Variants in SNCAIP observed in about 807,000 individuals in gnomAD.
SNCAIP encodes the protein synuclein alpha interacting protein.
SNCAIP carries 43 observed loss-of-function variants against 86.7 expected under a neutral mutation model. That is an observed-to-expected ratio of 0.50 (90% CI 0.39 to 0.64). The LOEUF is 0.64. Ranked by LOEUF, SNCAIP falls within the 30% of genes least tolerant of loss-of-function variation. The pLI, the probability that SNCAIP is intolerant of heterozygous loss-of-function variation, is 0.00. For synonymous variants in SNCAIP, 417 were observed against 427.2 expected (o/e 0.98, Z 0.29); for missense variants, 981 against 1,103.1 (o/e 0.89, Z 1.57).
intron 1 of SNCAIP, chr5:122,369,689 C>A (rs1276269042): frequency 6.6e-6 from 1 of 151,762 alleles, no homozygotes; most frequent in Non-Finnish European, 1.5e-5. Context: ...TTTTTGTTCC[C>A]CCTTGAAGTG....
chr5:122,320,639 T>C (rs2152667351), intron 1 of SNCAIP, among the ~76,000 whole-genome samples: 1 of 152,308 alleles, frequency 6.6e-6, no homozygotes, highest in East Asian at 1.9e-4. Flanking sequence ...ATGTTTAGAG[T>C]GCTTCAGGTT....
Position 122,450,838 on chromosome 5 carries a change from T to C in SNCAIP, c.1991T>C (p.Leu664Ser), listed in dbSNP as rs769575849. ...CCACTGGAGAAGAGGGAACTGAAGT[T>C]AGCCAGGCTGAGACAGCTGATGCAG... ...KIPLEKRELK[L>S]ARLRQLMQRS... is the part of the protein sequence containing the mutation. Residue 664 changes from leucine to serine, a missense_variant, in exon 10 of 11, where the codon TTA becomes TCA. Coordinates refer to ENST00000261368, the MANE Select transcript of SNCAIP (RefSeq NM_005460.4). The C allele has an allele frequency of 1.2e-6, 2 of 1,614,098 alleles. No homozygotes were observed. The highest frequency in any genetic ancestry group is 4.5e-5 in the East Asian group (2 of 44,880).
chr5:122,448,965 G>A (rs907115710), intron 8 of SNCAIP, among the ~76,000 whole-genome samples: 2 of 150,674 alleles, frequency 1.3e-5, no homozygotes, highest in African/African-American at 4.9e-5. Context: ...CCAGTGAGCC[G>A]AGATAGCACC....
At position 122,423,666 on chromosome 5, in the gene SNCAIP, A is replaced by G. The variant is rs1284864867; in HGVS notation, c.929A>G (p.Glu310Gly). 1 of 1,611,118 alleles carries G rather than the reference A, an allele frequency of 6.2e-7. No homozygotes were observed. Among genetic ancestry groups the G allele is most frequent in the East Asian group, 2.2e-5 (1 of 44,882 alleles). The change falls in exon 4 of 11, where the codon GAA becomes GGA. Residue 310 changes from glutamate to glycine, a missense_variant. Glu to Gly is a moderately conservative substitution (Grantham distance 98, BLOSUM62 -2). Transcript: ENST00000261368. ...GLNRTSSQGP[E>G]ERSEYLKKVK... The stretch of plus-strand genomic sequence containing the variant: ...AACCGGACCAGCTCCCAAGGCCCAG[A>G]AGAAAGGAGTGAGTATCTGAAAAAA...
At chr5:122,445,888 G>T (rs1453155191) in intron 8 of SNCAIP, among the ~76,000 whole-genome samples, 1 of 151,422 alleles carries the variant, frequency 6.6e-6, no homozygotes, top group Non-Finnish European at 1.5e-5. Context: ...CCACTCTTTT[G>T]CCTTCAAGCT....
At chr5:122,401,236 C>A in intron 2 of SNCAIP, 1 of 1,040,566 alleles carries the variant, frequency 9.6e-7, no homozygotes, top group South Asian at 1.9e-5. Flanking sequence ...ACAATGCATA[C>A]TTGTAAGGGA....
intron 1 of SNCAIP, among the ~76,000 whole-genome samples, chr5:122,342,584 A>C (rs1008873584): frequency 6.6e-6 from 1 of 152,214 alleles, no homozygotes; most frequent in Non-Finnish European, 1.5e-5. Flanking sequence ...AGTTCTAGGC[A>C]ACTTTTAATG....
At chr5:122,356,101 T>C (rs1040914503) in intron 1 of SNCAIP, among the ~76,000 whole-genome samples, 3 of 147,568 alleles carry the variant, frequency 2.0e-5, no homozygotes, top group African/African-American at 7.5e-5. Flanking sequence ...CTTTCTTTTT[T>C]TTTTTTTTTT....
intron 1 of SNCAIP, among the ~76,000 whole-genome samples, chr5:122,362,794 G>T (rs956601855): frequency 1.3e-5 from 2 of 152,088 alleles, no homozygotes; most frequent in African/African-American, 4.8e-5. Flanking sequence ...TGCCCTCCTT[G>T]ATAAGATAAT....
rs1776723524 is a variant in SNCAIP at position 122,423,116 on chromosome 5, G to T, written c.379G>T (p.Gly127Cys). The T allele has an allele frequency of 5.6e-6, 9 of 1,614,144 alleles. No homozygotes were observed. The highest frequency in any genetic ancestry group is 5.9e-6 in the Non-Finnish European group (7 of 1,180,030). The change falls in exon 4 of 11, where the codon GGC (glycine) becomes TGC (cysteine). Residue 127 changes from glycine to cysteine, a missense_variant. Gly to Cys is a radical substitution (Grantham distance 159, BLOSUM62 -3). Transcript: ENST00000261368. ...GGAGCTTGGCCCTGGAGATGGAGTG[G>T]GCGGCCCACCAGGTAAGAGCTCTGA... ...PQELGPGDGV[G>C]GPPGKSSEPS... is the part of the protein sequence containing the mutation.
chr5:122,445,050 A>G, intron 8 of SNCAIP: 1 of 392,414 alleles, frequency 2.5e-6, no homozygotes, highest in Non-Finnish European at 4.8e-6. Context: ...CGCTGGAAGC[A>G]CTCATAGGCA....
chr5:122,398,331 A>C (rs1156498440), intron 2 of SNCAIP, among the ~76,000 whole-genome samples: 4 of 152,300 alleles, frequency 2.6e-5, no homozygotes, highest in South Asian at 2.1e-4. Context: ...AAGGGTTAGC[A>C]GTGGAGGAGC....
At chr5:122,424,680 G>A (rs1217645677) in intron 4 of SNCAIP, among the ~76,000 whole-genome samples, 1 of 151,882 alleles carries the variant, frequency 6.6e-6, no homozygotes, top group African/African-American at 2.4e-5. Context: ...ATTCTCTTTG[G>A]TTCATTCCTT....
intron 1 of SNCAIP, among the ~76,000 whole-genome samples, chr5:122,359,555 G>T (rs150114437): frequency 6.6e-6 from 1 of 151,848 alleles, no homozygotes; most frequent in African/African-American, 2.4e-5. Flanking sequence ...AGTAGAGACA[G>T]CATTTCACCA....
At chr5:122,462,269 C>G (rs946823004) in intron 10 of SNCAIP, among the ~76,000 whole-genome samples, 2 of 152,174 alleles carry the variant, frequency 1.3e-5, no homozygotes, top group Non-Finnish European at 2.9e-5. Context: ...TTCTCCTCTG[C>G]TAAATCAACT....
At chr5:122,356,559 T>A (rs1467570450) in intron 1 of SNCAIP, among the ~76,000 whole-genome samples, 1 of 152,236 alleles carries the variant, frequency 6.6e-6, no homozygotes, top group African/African-American at 2.4e-5. Flanking sequence ...CCATGCTTCC[T>A]AACATATTTA....
In SNCAIP at chr5:122,444,729, A is replaced by T; in HGVS notation, c.1589A>T (p.Lys530Met). ...GTGGTGAAGTTAACCAAGCAGCTAA[A>T]GGAGTAAGTGGCCTGTTGGTTCCAT... ...SQVVKLTKQL[K>M]EQTVERVTLQ... is the part of the protein sequence containing the mutation. The change falls in exon 8 of 11, where the codon AAG becomes ATG. Residue 530 changes from lysine (K) to methionine (M), a missense_variant. Physicochemically the swap from Lys to Met is moderately conservative, Grantham distance 95. Coordinates refer to ENST00000261368, the MANE Select transcript of SNCAIP (RefSeq NM_005460.4). 1 of 1,613,566 alleles carries T rather than the reference A, an allele frequency of 6.2e-7. No individual in the cohort carries two copies. The highest frequency in any genetic ancestry group is 8.5e-7 in the Non-Finnish European group (1 of 1,179,510).
chr5:122,335,425 G>A (rs549432085), intron 1 of SNCAIP, among the ~76,000 whole-genome samples: 2 of 152,260 alleles, frequency 1.3e-5, no homozygotes, highest in African/African-American at 4.8e-5. Flanking sequence ...ATTTGTAGTT[G>A]TACAGCAAGC....
At chr5:122,340,193 G>A (rs1343421154) in intron 1 of SNCAIP, among the ~76,000 whole-genome samples, 1 of 151,990 alleles carries the variant, frequency 6.6e-6, no homozygotes, top group Non-Finnish European at 1.5e-5. Context: ...TTTTCCATGT[G>A]TTGAGTTTCC....
Sources: allele counts gnomAD v4.1 joint callset (sites outside exome capture counted in the v4.1 genomes callset), GRCh38; gene constraint gnomAD v4.1.1; transcripts MANE v1.5; gene names NCBI Gene and HGNC (gene_info 2026-07-23, HGNC 2026-07-21).